Variants in IL1RAPL1 observed in about 807,000 individuals in gnomAD.
IL1RAPL1 encodes the protein interleukin 1 receptor accessory protein like 1, also known as interleukin-1 receptor accessory protein-like 1.
Under a neutral mutation model 48.4 loss-of-function variants are expected in IL1RAPL1, and 3 were observed. That is an observed-to-expected ratio of 0.06 (90% CI 0.03 to 0.16). IL1RAPL1 has a LOEUF of 0.16. Ranked by LOEUF, IL1RAPL1 falls within the 10% of genes least tolerant of loss-of-function variation. The pLI is 1.00. For synonymous variants in IL1RAPL1, 185 were observed against 187.7 expected (o/e 0.99, Z 0.12); for missense variants, 349 against 530.6 (o/e 0.66, Z 3.36).
intron 5 of IL1RAPL1, among the ~76,000 whole-genome samples, chrX:29,654,073 A>G (rs1263050690): frequency 9.1e-6 from 1 of 110,011 alleles, no homozygotes; most frequent in African/African-American, 3.3e-5. Context: ...GAAGGAAAAA[A>G]GAAAGGAAGT....
chrX:28,688,989 C>A (rs2146924170), intron 1 of IL1RAPL1, among the ~76,000 whole-genome samples: 1 of 111,123 alleles, frequency 9.0e-6, no homozygotes, highest in East Asian at 2.8e-4. Flanking sequence ...AGCCATGATT[C>A]ATTTTTAAAT....
intron 2 of IL1RAPL1, among the ~76,000 whole-genome samples, chrX:29,038,665 G>A (rs1437583676): frequency 3.6e-5 from 4 of 111,796 alleles, no homozygotes; most frequent in Non-Finnish European, 5.6e-5. Flanking sequence ...TTCCAGATTA[G>A]AGTTAATTTA....
chrX:29,663,300 G>A (rs1377958666), intron 5 of IL1RAPL1, among the ~76,000 whole-genome samples: 1 of 112,281 alleles, frequency 8.9e-6, no homozygotes, highest in African/African-American at 3.2e-5. Context: ...ATTGCACAAA[G>A]CATGTTTTAT....
At chrX:29,704,429 G>A (rs2147117242) in intron 6 of IL1RAPL1, among the ~76,000 whole-genome samples, 1 of 111,524 alleles carries the variant, frequency 9.0e-6, no homozygotes, top group South Asian at 3.8e-4. Context: ...AGCACTTTGG[G>A]AGGCTGAGTC....
intron 2 of IL1RAPL1, among the ~76,000 whole-genome samples, chrX:29,017,579 A>G (rs1015835833): frequency 2.7e-5 from 3 of 111,757 alleles, no homozygotes; most frequent in African/African-American, 9.8e-5. Flanking sequence ...GAGTGTCAGC[A>G]TAGTCATGGT....
intron 5 of IL1RAPL1, among the ~76,000 whole-genome samples, chrX:29,592,515 T>G: frequency 9.0e-6 from 1 of 111,395 alleles, no homozygotes; most frequent in Admixed American, 9.5e-5. Context: ...GGGGTATATA[T>G]AAATAAATAG....
intron 5 of IL1RAPL1, among the ~76,000 whole-genome samples, chrX:29,572,923 C>T (rs1451830009): frequency 8.9e-6 from 1 of 112,245 alleles, no homozygotes; most frequent in Non-Finnish European, 1.9e-5. Context: ...ATTAAAATAA[C>T]AGAAAAATAG....
intron 2 of IL1RAPL1, among the ~76,000 whole-genome samples, chrX:28,879,979 TTAAACA>T (rs1480718057): frequency 8.9e-6 from 1 of 112,035 alleles, no homozygotes; most frequent in African/African-American, 3.2e-5. Flanking sequence ...TCTCTTGCTT[TTAAACA>T]TTATGGCAGG....
intron 8 of IL1RAPL1, among the ~76,000 whole-genome samples, chrX:29,938,294 A>G (rs1050429349): frequency 3.6e-5 from 4 of 112,260 alleles, no homozygotes; most frequent in African/African-American, 1.3e-4. Context: ...GGAGAAAATG[A>G]GAGTTCTGTT....
intron 5 of IL1RAPL1, among the ~76,000 whole-genome samples, chrX:29,566,293 A>G (rs1922405152): frequency 8.9e-6 from 1 of 111,985 alleles, no homozygotes; most frequent in Admixed American, 9.5e-5. Context: ...TATTTATGTA[A>G]ACTAAAGCAC....
At chrX:28,648,265 A>G (rs1366022967) in intron 1 of IL1RAPL1, among the ~76,000 whole-genome samples, 1 of 111,711 alleles carries the variant, frequency 9.0e-6, no homozygotes, top group Non-Finnish European at 1.9e-5. Context: ...TTTAGAGTTC[A>G]TGGCACTCAT....
At chrX:29,485,100 G>A (rs2050063) in intron 5 of IL1RAPL1, among the ~76,000 whole-genome samples, 50,379 of 110,840 alleles carry the variant, frequency 0.45, 8,328 homozygotes, top group East Asian at 0.71. Context: ...ATTTTTTTCT[G>A]ACAAAGTTCA....
intron 1 of IL1RAPL1, among the ~76,000 whole-genome samples, chrX:28,653,366 T>C (rs1453886104): frequency 1.8e-5 from 2 of 110,312 alleles, no homozygotes; most frequent in Admixed American, 1.9e-4. Context: ...TCCCAGCTAC[T>C]TGGGAGGCTA....
At chrX:29,005,144 A>G (rs1360259767) in intron 2 of IL1RAPL1, among the ~76,000 whole-genome samples, 1 of 112,397 alleles carries the variant, frequency 8.9e-6, no homozygotes, top group Non-Finnish European at 1.9e-5. Flanking sequence ...TGCAGTTAAG[A>G]AACTTGGCAG....
intron 2 of IL1RAPL1, among the ~76,000 whole-genome samples, chrX:29,234,488 T>C (rs1327093982): frequency 8.9e-6 from 1 of 111,877 alleles, no homozygotes; most frequent in Non-Finnish European, 1.9e-5. Flanking sequence ...GATAGGGTTA[T>C]AGATAGAGTT....
chrX:29,445,955 A>C (rs767753826), intron 5 of IL1RAPL1, among the ~76,000 whole-genome samples: 1 of 111,891 alleles, frequency 8.9e-6, no homozygotes, highest in Non-Finnish European at 1.9e-5. Context: ...TTCCAAAATC[A>C]ATTTGAAAAC....
rs16988653 is a variant in IL1RAPL1, at chrX:29,552,769, G to A, written c.704-115661G>A. Among the ~76,000 whole-genome samples, 392 of 101,499 alleles carry A rather than the reference G, an allele frequency of 3.9e-3. 2 individuals are homozygous for A. Among genetic ancestry groups the A allele is most frequent in the African/African-American group, 0.013 (359 of 27,491 alleles). 88.1% of individuals were successfully genotyped at this position (101,499 alleles called of 115,157 possible). On this transcript the variant is annotated intron_variant, in intron 5 of 10. Transcript: ENST00000378993. ...CAAATACTTTTAAACTGAAAATCCC[G>A]GTGTACTAAGTTCATTCATGTTTTT...
chrX:29,187,535 A>G (rs1000124657), intron 2 of IL1RAPL1, among the ~76,000 whole-genome samples: 2 of 111,514 alleles, frequency 1.8e-5, no homozygotes, highest in African/African-American at 6.5e-5. Flanking sequence ...GGGAAGGTAA[A>G]TCTTTATACT....
chrX:28,640,017 A>G (rs1177082123), intron 1 of IL1RAPL1, among the ~76,000 whole-genome samples: 1 of 111,898 alleles, frequency 8.9e-6, no homozygotes, highest in Non-Finnish European at 1.9e-5. Flanking sequence ...GTATAGGAGC[A>G]GATCACTAAT....
Sources: gnomAD v4.1 joint callset for allele counts (sites outside exome capture counted in the v4.1 genomes callset) on GRCh38, gnomAD v4.1.1 for gene constraint, MANE v1.5 for transcripts, NCBI Gene and HGNC (gene_info 2026-07-23, HGNC 2026-07-21) for gene names.